The following ZNF385D variants were observed in gnomAD, a reference collection of about 807,000 sequenced individuals.
ZNF385D encodes the protein zinc finger protein 385D.
In ZNF385D, 15 loss-of-function variants were observed where a neutral mutation model predicts 35.8. The ratio of observed to expected loss-of-function variants is 0.42; its 90% confidence interval spans 0.28 to 0.64. The LOEUF is 0.64. Among genes scored for constraint, ZNF385D ranks in the 30% least tolerant of loss-of-function variants. The pLI is 0.23. For missense variants in ZNF385D, 474 were observed against 494.6 expected (o/e 0.96, Z 0.39); for synonymous variants, 212 against 186.8 (o/e 1.13, Z -1.10).
At chr3:22,083,865 C>G (rs1011944376) in intron 3 of ZNF385D, among the ~76,000 whole-genome samples, 1 of 152,208 alleles carries the variant, frequency 6.6e-6, no homozygotes, top group African/African-American at 2.4e-5. Context: ...GGAAGCCCAT[C>G]AGACTAACAG....
chr3:21,796,553 A>T (rs28735685), intron 3 of ZNF385D, among the ~76,000 whole-genome samples: 52 of 151,612 alleles, frequency 3.4e-4, no homozygotes, highest in African/African-American at 7.8e-4. Flanking sequence ...TGCAAAAAAA[A>T]TTTTTTTTTA....
chr3:21,457,366 TTG>T (rs1369804561), intron 4 of ZNF385D, among the ~76,000 whole-genome samples: 3 of 152,006 alleles, frequency 2.0e-5, no homozygotes, highest in African/African-American at 7.2e-5. Flanking sequence ...GTTGTTGTTG[TTG>T]TTGTTGAGAA....
chr3:21,762,939 T>A (rs2070683563), intron 3 of ZNF385D, among the ~76,000 whole-genome samples: 1 of 152,190 alleles, frequency 6.6e-6, no homozygotes, highest in South Asian at 2.1e-4. Flanking sequence ...CCTTCCACAG[T>A]GCTGACCTAG....
chr3:22,209,443 A>T (rs1408510472), intron 2 of ZNF385D, among the ~76,000 whole-genome samples: 1 of 151,884 alleles, frequency 6.6e-6, no homozygotes, highest in Non-Finnish European at 1.5e-5. Context: ...ACATTTTATT[A>T]TTAATGATTT....
At chr3:21,628,525 G>T (rs185457037) in intron 2 of ZNF385D, among the ~76,000 whole-genome samples, 4 of 151,886 alleles carry the variant, frequency 2.6e-5, no homozygotes, top group South Asian at 2.1e-4. Context: ...AATCTATAAG[G>T]TAAGAAAAAA....
At chr3:22,340,704 A>G (rs922820468) in intron 2 of ZNF385D, among the ~76,000 whole-genome samples, 28 of 152,310 alleles carry the variant, frequency 1.8e-4, no homozygotes, top group Admixed American at 1.6e-3. Context: ...TACAAATACA[A>G]GTACATGATA....
intron 3 of ZNF385D, among the ~76,000 whole-genome samples, chr3:21,846,344 T>A (rs1183431839): frequency 6.6e-6 from 1 of 152,050 alleles, no homozygotes; most frequent in Non-Finnish European, 1.5e-5. Context: ...CCTTAATTAC[T>A]CAAAAGTTCC....
intron 3 of ZNF385D, among the ~76,000 whole-genome samples, chr3:22,102,236 A>G (rs535461522): frequency 6.6e-6 from 1 of 152,100 alleles, no homozygotes; most frequent in African/African-American, 2.4e-5. Context: ...TTTTTTGAGC[A>G]CTTGCTATTT....
intron 2 of ZNF385D, among the ~76,000 whole-genome samples, chr3:22,220,827 G>T (rs1192620496): frequency 6.6e-6 from 1 of 152,044 alleles, no homozygotes; most frequent in East Asian, 1.9e-4. Context: ...ATAGCTATTT[G>T]CAGTGTATTT....
intron 1 of ZNF385D, among the ~76,000 whole-genome samples, chr3:21,684,073 A>T (rs909395992): frequency 2.0e-5 from 3 of 149,824 alleles, no homozygotes; most frequent in African/African-American, 7.4e-5. Context: ...GAACTCTGAC[A>T]CTGTGAGTGT....
Position 21,797,936 on chromosome 3 carries a change from T to C in ZNF385D, c.326-132908A>G, listed in dbSNP as rs115813227. ...ATGCCATAACCATGGAAATATACCA[T>C]TATACATTTGTCTAAATATTAGAAG... On this transcript the variant is annotated intron_variant, in intron 3 of 5. Transcript: ENST00000494108. Among the ~76,000 whole-genome samples, 352 of 152,302 alleles carry C rather than the reference T, an allele frequency of 2.3e-3. 3 individuals carry two copies. Among genetic ancestry groups the C allele is most frequent in the Non-Finnish European group, 3.9e-3 (267 of 68,026 alleles).
intron 2 of ZNF385D, among the ~76,000 whole-genome samples, chr3:21,612,866 TA>T (rs1468410904): frequency 6.6e-6 from 1 of 152,176 alleles, no homozygotes; most frequent in Non-Finnish European, 1.5e-5. Context: ...ACATGTCTAT[TA>T]AAATAAAACA....
At chr3:21,851,446 C>T (rs946053566) in intron 3 of ZNF385D, among the ~76,000 whole-genome samples, 1 of 151,922 alleles carries the variant, frequency 6.6e-6, no homozygotes, top group Non-Finnish European at 1.5e-5. Context: ...AATATATTCT[C>T]CACAAAACAA....
chr3:22,060,153 T>G (rs1699617049), intron 3 of ZNF385D, among the ~76,000 whole-genome samples: 1 of 152,208 alleles, frequency 6.6e-6, no homozygotes, highest in Non-Finnish European at 1.5e-5. Flanking sequence ...CCCAGCCTTT[T>G]AAATTTGGAC....
chr3:22,202,372 C>T (rs1374991074), intron 2 of ZNF385D, among the ~76,000 whole-genome samples: 1 of 152,034 alleles, frequency 6.6e-6, no homozygotes, highest in African/African-American at 2.4e-5. Context: ...AAGGACTTTT[C>T]AGAGAGATCA....
chr3:21,651,512 AT>A (rs945124026), intron 2 of ZNF385D, among the ~76,000 whole-genome samples: 140 of 146,742 alleles, frequency 9.5e-4, no homozygotes, highest in African/African-American at 2.7e-3. Flanking sequence ...GCAATGTGGT[AT>A]TTTTTTTTTC....
At chr3:21,449,752 C>G (rs1006127578) in intron 4 of ZNF385D, among the ~76,000 whole-genome samples, 1 of 152,114 alleles carries the variant, frequency 6.6e-6, no homozygotes. Flanking sequence ...AATGAAAAAG[C>G]CTTATCATGG....
chr3:21,540,147 T>C (rs1320407268), intron 3 of ZNF385D, among the ~76,000 whole-genome samples: 2 of 152,186 alleles, frequency 1.3e-5, no homozygotes, highest in Non-Finnish European at 2.9e-5. Flanking sequence ...TGGAGAAAGC[T>C]TACTATGATA....
intron 3 of ZNF385D, among the ~76,000 whole-genome samples, chr3:22,044,542 G>A (rs1004113596): frequency 6.6e-6 from 1 of 152,094 alleles, no homozygotes; most frequent in Admixed American, 6.6e-5. Flanking sequence ...TAAAAAGCAG[G>A]AGATATTATA....
Sources: allele counts gnomAD v4.1 joint callset (sites outside exome capture counted in the v4.1 genomes callset), GRCh38; gene constraint gnomAD v4.1.1; transcripts MANE v1.5; gene names NCBI Gene and HGNC (gene_info 2026-07-23, HGNC 2026-07-21).